Variants in CTNNA2 observed in about 807,000 individuals in gnomAD.
CTNNA2 encodes the protein catenin alpha 2, also known as catenin alpha-2.
A neutral mutation model predicts 101.0 loss-of-function variants in CTNNA2; 42 were observed. The observed-to-expected ratio is 0.42, with a 90% CI of 0.32 to 0.54. CTNNA2 has a LOEUF of 0.54. Among genes scored for constraint, CTNNA2 ranks in the 20% least tolerant of loss-of-function variants. CTNNA2 has a pLI of 0.14. For synonymous variants in CTNNA2, 450 were observed against 456.4 expected (o/e 0.99, Z 0.18); for missense variants, 871 against 1,223.1 (o/e 0.71, Z 4.29).
chr2:80,479,179 T>C (rs1685958657), intron 9 of CTNNA2, among the ~76,000 whole-genome samples: 1 of 152,160 alleles, frequency 6.6e-6, no homozygotes, highest in South Asian at 2.1e-4. Flanking sequence ...CTGATCATTA[T>C]TAGGATCCAT....
intron 7 of CTNNA2, among the ~76,000 whole-genome samples, chr2:80,285,596 C>T (rs1205300945): frequency 6.6e-6 from 1 of 152,050 alleles, no homozygotes; most frequent in African/African-American, 2.4e-5. Flanking sequence ...GTCATTATTC[C>T]CAAAATGTCC....
At chr2:80,464,648 T>G (rs531452550) in intron 9 of CTNNA2, among the ~76,000 whole-genome samples, 1 of 152,326 alleles carries the variant, frequency 6.6e-6, no homozygotes, top group East Asian at 1.9e-4. Flanking sequence ...TTTTCTCTAA[T>G]GCCTCCCCCA....
intron 2 of CTNNA2, among the ~76,000 whole-genome samples, chr2:79,697,437 C>A (rs1353027231): frequency 1.3e-5 from 2 of 152,052 alleles, no homozygotes; most frequent in African/African-American, 2.4e-5. Context: ...AAGTTTAGCT[C>A]CTTATAGTTT....
chr2:80,562,282 A>G (rs1693677063), intron 12 of CTNNA2, among the ~76,000 whole-genome samples: 1 of 152,202 alleles, frequency 6.6e-6, no homozygotes, highest in Admixed American at 6.5e-5. Flanking sequence ...TCTCAGCATA[A>G]GAGGCTGAAG....
At chr2:79,188,189 G>A (rs1673807042) in intron 1 of CTNNA2, among the ~76,000 whole-genome samples, 1 of 152,098 alleles carries the variant, frequency 6.6e-6, no homozygotes, top group African/African-American at 2.4e-5. Flanking sequence ...AAGTACAGCA[G>A]TCATATATCT....
intron 2 of CTNNA2, among the ~76,000 whole-genome samples, chr2:79,258,838 C>A (rs1038814941): frequency 1.8e-5 from 2 of 112,752 alleles, no homozygotes; most frequent in East Asian, 2.7e-4. Flanking sequence ...AAGGCCAAAT[C>A]CTCTACCAAA....
intron 7 of CTNNA2, among the ~76,000 whole-genome samples, chr2:80,286,534 TG>T (rs1674781051): frequency 6.6e-6 from 1 of 152,224 alleles, no homozygotes; most frequent in Admixed American, 6.5e-5. Context: ...CATCACATGC[TG>T]TTGAGCATTT....
At chr2:79,762,100 G>C (rs1573903237) in intron 3 of CTNNA2, among the ~76,000 whole-genome samples, 1 of 151,988 alleles carries the variant, frequency 6.6e-6, no homozygotes, top group Non-Finnish European at 1.5e-5. Flanking sequence ...TTTAATCTTT[G>C]GTCTTAATTT....
At chr2:80,301,600 A>G (rs1676313148) in intron 7 of CTNNA2, among the ~76,000 whole-genome samples, 1 of 152,216 alleles carries the variant, frequency 6.6e-6, no homozygotes, top group African/African-American at 2.4e-5. Flanking sequence ...AGTTGCCTGA[A>G]GGTGGTTAGA....
intron 7 of CTNNA2, among the ~76,000 whole-genome samples, chr2:80,132,062 CAA>C (rs1306316898): frequency 1.3e-5 from 2 of 152,072 alleles, no homozygotes; most frequent in Non-Finnish European, 2.9e-5. Flanking sequence ...GCCTGGGTGA[CAA>C]GAGTGAAACT....
chr2:80,596,066 A>G (rs1393910375), intron 15 of CTNNA2, among the ~76,000 whole-genome samples: 1 of 151,998 alleles, frequency 6.6e-6, no homozygotes, highest in African/African-American at 2.4e-5. Flanking sequence ...TTCTCATAGA[A>G]GAGGTTCTTC....
chr2:80,534,113 G>A (rs1380503166), intron 9 of CTNNA2, among the ~76,000 whole-genome samples: 3 of 152,126 alleles, frequency 2.0e-5, no homozygotes, highest in African/African-American at 7.2e-5. Flanking sequence ...TTGGGCAGAG[G>A]CATGCAAACA....
chr2:80,389,936 T>TTAACATG (rs1677352234), intron 7 of CTNNA2, among the ~76,000 whole-genome samples: 1 of 152,176 alleles, frequency 6.6e-6, no homozygotes, highest in Non-Finnish European at 1.5e-5. Context: ...TAACATGGAA[T>TTAACATG]GATTAATGTT....
chr2:79,810,727 T>C (rs1676954870), intron 3 of CTNNA2, among the ~76,000 whole-genome samples: 1 of 151,680 alleles, frequency 6.6e-6, no homozygotes, highest in Admixed American at 6.6e-5. Context: ...CTTTCCTGTG[T>C]CCATGTGTTC....
intron 7 of CTNNA2, among the ~76,000 whole-genome samples, chr2:80,315,506 G>C (rs902460722): frequency 1.3e-5 from 2 of 152,114 alleles, no homozygotes; most frequent in Non-Finnish European, 2.9e-5. Context: ...ACTAACTTTA[G>C]GTTAGGGTAC....
intron 7 of CTNNA2, among the ~76,000 whole-genome samples, chr2:80,218,814 A>G (rs1229982310): frequency 6.6e-6 from 1 of 152,212 alleles, no homozygotes. Flanking sequence ...AATATATTTA[A>G]GAGTACTTTG....
intron 2 of CTNNA2, among the ~76,000 whole-genome samples, chr2:79,272,041 A>C (rs561607098): frequency 6.6e-6 from 1 of 151,988 alleles, no homozygotes; most frequent in Non-Finnish European, 1.5e-5. Context: ...TTACAGCAAT[A>C]ATAATACCTA....
chr2:80,577,973 T>C (rs923837528), intron 13 of CTNNA2, among the ~76,000 whole-genome samples: 1 of 152,174 alleles, frequency 6.6e-6, no homozygotes, highest in Non-Finnish European at 1.5e-5. Context: ...ACAACTCACA[T>C]GTCCAGGTGA....
At chr2:79,398,456 C>T (rs895346925) in intron 4 of CTNNA2, among the ~76,000 whole-genome samples, 4 of 152,084 alleles carry the variant, frequency 2.6e-5, no homozygotes, top group African/African-American at 9.6e-5. Context: ...GTTTTTTATT[C>T]AGTAGGTCTG....
Sources: gnomAD v4.1 joint callset for allele counts (sites outside exome capture counted in the v4.1 genomes callset) on GRCh38, gnomAD v4.1.1 for gene constraint, MANE v1.5 for transcripts, NCBI Gene and HGNC (gene_info 2026-07-23, HGNC 2026-07-21) for gene names.